The following NDRG3 variants were observed in gnomAD, a reference collection of about 807,000 sequenced individuals.
The protein encoded by NDRG3 is protein NDRG3.
A neutral mutation model predicts 57.2 loss-of-function variants in NDRG3; 23 were observed. The ratio of observed to expected loss-of-function variants is 0.40; its 90% CI spans 0.29 to 0.57. NDRG3 has a LOEUF of 0.57. NDRG3 is among the 20% of genes least tolerant of loss of function. The pLI is 0.42. For synonymous variants in NDRG3, 132 were observed against 162.6 expected (o/e 0.81, Z 1.43); for missense variants, 384 against 457.3 (o/e 0.84, Z 1.46).
At chr20:36,657,485 G>GAAA (rs757285386) in intron 13 of NDRG3, among the ~76,000 whole-genome samples, 1 of 130,050 alleles carries the variant, frequency 7.7e-6, no homozygotes. Flanking sequence ...CCGTCTCCAG[G>GAAA]AAAAAAAAAA....
At chr20:36,721,594 G>C in intron 2 of NDRG3, 85 bp downstream of exon 2, 2 of 759,142 alleles carry the variant, frequency 2.6e-6, no homozygotes, top group Non-Finnish European at 2.2e-6. Flanking sequence ...TATGTTTTAA[G>C]TTACTATTTA....
At chr20:36,686,570 T>C (rs1173806898) in intron 5 of NDRG3, among the ~76,000 whole-genome samples, 2 of 152,172 alleles carry the variant, frequency 1.3e-5, no homozygotes, top group African/African-American at 4.8e-5. Context: ...CCACAGAGTG[T>C]GTGCTCACTC....
intron 1 of NDRG3, among the ~76,000 whole-genome samples, chr20:36,738,289 G>A (rs1348422666): frequency 6.6e-6 from 1 of 151,760 alleles, no homozygotes; most frequent in Non-Finnish European, 1.5e-5. Context: ...CAAGGCAGGA[G>A]TTCGAGACCA....
intron 1 of NDRG3, among the ~76,000 whole-genome samples, chr20:36,722,191 G>A (rs752921326): frequency 2.6e-5 from 4 of 152,146 alleles, no homozygotes; most frequent in Non-Finnish European, 4.4e-5. Context: ...GTAACTGAGA[G>A]CAGCCTCCAG....
chr20:36,729,271 C>A (rs1985132465), intron 1 of NDRG3, among the ~76,000 whole-genome samples: 1 of 152,144 alleles, frequency 6.6e-6, no homozygotes, highest in Non-Finnish European at 1.5e-5. Context: ...ACGCTAAGGG[C>A]ATAGAGGATG....
intron 2 of NDRG3, among the ~76,000 whole-genome samples, chr20:36,708,970 G>A (rs749841197): frequency 1.4e-4 from 21 of 152,070 alleles, no homozygotes; most frequent in South Asian, 2.1e-4. Context: ...CCAGGGAGGC[G>A]GAGGTTGCAG....
At chr20:36,726,730 A>T (rs1380944311) in intron 1 of NDRG3, among the ~76,000 whole-genome samples, 1 of 152,026 alleles carries the variant, frequency 6.6e-6, no homozygotes, top group Admixed American at 6.6e-5. Context: ...TTTCCTAGTC[A>T]TATGAGTAGG....
chr20:36,678,281 G>A (rs1980934903), intron 8 of NDRG3, among the ~76,000 whole-genome samples: 1 of 152,192 alleles, frequency 6.6e-6, no homozygotes, highest in Non-Finnish European at 1.5e-5. Context: ...ATTTTTTAAA[G>A]TGGGGAGGGG....
intron 8 of NDRG3, among the ~76,000 whole-genome samples, chr20:36,676,815 C>T (rs1980762235): frequency 6.6e-6 from 1 of 152,230 alleles, no homozygotes; most frequent in Non-Finnish European, 1.5e-5. Context: ...ATGGCAGTGG[C>T]TGCTGCCATC....
chr20:36,675,375 TTTAAG>T (rs973839933), intron 8 of NDRG3, among the ~76,000 whole-genome samples: 17 of 146,420 alleles, frequency 1.2e-4, no homozygotes, highest in African/African-American at 3.3e-4. Context: ...CGGGCTACTT[TTTAAG>T]TTGTTTTTTT....
Position 36,656,128 on chromosome 20 carries a change from G to T in NDRG3, c.946+232C>A, listed in dbSNP as rs538786972. On this transcript the variant is annotated intron_variant, in intron 15 of 15. Coordinates refer to ENST00000349004, the MANE Select transcript of NDRG3 (RefSeq NM_032013.4). ...CAGCCTGGCAACAGAGTGAGACTCT[G>T]TCTCAAAAAAAAAAAAAAAAAAAAA... Among the ~76,000 whole-genome samples, 64 of 117,538 alleles carry T rather than the reference G, an allele frequency of 5.4e-4. 1 individual carries two copies. The highest frequency in any genetic ancestry group is 2.0e-3 in the African/African-American group (59 of 30,060). 77.1% of individuals were successfully genotyped at this position (117,538 alleles called of 152,430 possible). A position where few individuals can be genotyped will look rare whatever the true frequency, so the allele number is the denominator to read the frequency against.
At chr20:36,693,141 T>TATACAC (rs1323122806) in intron 3 of NDRG3, among the ~76,000 whole-genome samples, 9 of 34,614 alleles carry the variant, frequency 2.6e-4, no homozygotes, top group African/African-American at 8.4e-4. Context: ...TATATATATA[T>TATACAC]ACACACACAC....
At chr20:36,654,922 G>A (rs1334025608) in intron 15 of NDRG3, 2 of 773,524 alleles carry the variant, frequency 2.6e-6, no homozygotes, top group Admixed American at 3.5e-5. Flanking sequence ...GGTAGACACT[G>A]ACAGAATACT....
intron 8 of NDRG3, among the ~76,000 whole-genome samples, chr20:36,676,237 T>A (rs921657362): frequency 6.6e-6 from 1 of 151,676 alleles, no homozygotes; most frequent in African/African-American, 2.4e-5. Flanking sequence ...GAGATCCGTC[T>A]CAAAAAAAAA....
At chr20:36,730,600 G>GA in intron 1 of NDRG3, among the ~76,000 whole-genome samples, 1 of 151,046 alleles carries the variant, frequency 6.6e-6, no homozygotes, top group Non-Finnish European at 1.5e-5. Context: ...TACGAAATGT[G>GA]AAAAAAATAA....
At chr20:36,688,189 T>G (rs1981948707) in intron 4 of NDRG3, among the ~76,000 whole-genome samples, 1 of 152,242 alleles carries the variant, frequency 6.6e-6, no homozygotes, top group Non-Finnish European at 1.5e-5. Context: ...CAGAGCAGCA[T>G]GAAAGAAAAC....
chr20:36,742,352 CT>C (rs1204772884), intron 1 of NDRG3, among the ~76,000 whole-genome samples: 1 of 152,158 alleles, frequency 6.6e-6, no homozygotes, highest in African/African-American at 2.4e-5. Context: ...AGAAGAAATA[CT>C]GATAAACCTT....
intron 6 of NDRG3, 25 bp downstream of exon 6, chr20:36,684,388 A>G: frequency 6.3e-7 from 1 of 1,598,226 alleles, no homozygotes; most frequent in Middle Eastern, 1.7e-4. Flanking sequence ...TAAAAACTGC[A>G]TGAAAGACTG....
chr20:36,716,838 T>G (rs1325345134), intron 2 of NDRG3, among the ~76,000 whole-genome samples: 1 of 152,072 alleles, frequency 6.6e-6, no homozygotes, highest in African/African-American at 2.4e-5. Context: ...CAAGAGGCAG[T>G]AGATGGTGGG....
Sources: gnomAD v4.1 joint callset for allele counts (sites outside exome capture counted in the v4.1 genomes callset) on GRCh38, gnomAD v4.1.1 for gene constraint, MANE v1.5 for transcripts, NCBI Gene and HGNC (gene_info 2026-07-23, HGNC 2026-07-21) for gene names.